WDPCP: variants seen among roughly 807,000 people sequenced by gnomAD.
WDPCP encodes the protein WD repeat containing planar cell polarity effector.
A neutral mutation model predicts 93.1 loss-of-function variants in WDPCP; 71 were observed. That is an observed-to-expected ratio of 0.76 (90% CI 0.63 to 0.93). WDPCP has a LOEUF of 0.93. Ranked by LOEUF, WDPCP falls within the 40% of genes least tolerant of loss-of-function variation. The pLI, the probability that WDPCP is intolerant of heterozygous loss-of-function variation, is 0.00. For missense variants in WDPCP, 844 were observed against 887.4 expected, an observed-to-expected ratio of 0.95 and a Z score of 0.62; for synonymous variants, 315 against 315.0, an observed-to-expected ratio of 1.00 and a Z score of 0.00.
chr2:63,207,447 A>G (rs1411488164), intron 14 of WDPCP, among the ~76,000 whole-genome samples: 1 of 152,168 alleles, frequency 6.6e-6, no homozygotes, highest in African/African-American at 2.4e-5. Context: ...AGCCTGCGGA[A>G]CTATGAGTCA....
At chr2:63,604,643 T>G in intron 3 of WDPCP, 1 of 1,449,046 alleles carries the variant, frequency 6.9e-7, no homozygotes, top group Non-Finnish European at 9.5e-7. Context: ...CAGGTCCCAA[T>G]TGGAAATAAA....
At chr2:63,761,217 G>A (rs1222751416) in intron 2 of WDPCP, among the ~76,000 whole-genome samples, 1 of 152,160 alleles carries the variant, frequency 6.6e-6, no homozygotes, top group Non-Finnish European at 1.5e-5. Flanking sequence ...ATAAAAGGAT[G>A]AATTTGGTTC....
Position 63,663,340 on chromosome 2 carries a change from A to T in WDPCP, n.309-12502T>A, listed in dbSNP as rs74377032. 7.2e-4 allele frequency among the ~76,000 whole-genome samples: 109 copies of T among 152,316 alleles called. 1 individual carries two copies. Among genetic ancestry groups the T allele is most frequent in the African/African-American group, 2.4e-3 (100 of 41,574 alleles). On this transcript the variant is annotated intron_variant and non_coding_transcript_variant, in intron 2 of 4. Coordinates refer to the WDPCP transcript ENST00000467687. ...AACTTCTTCAATATCTCTGGTTCAC[A>T]CTTGAAGCACATACTTGGAACTTTA... is the stretch of plus-strand genomic sequence containing the variant.
chr2:63,215,509 T>C (rs1361471551), intron 14 of WDPCP, among the ~76,000 whole-genome samples: 2 of 152,290 alleles, frequency 1.3e-5, no homozygotes, highest in East Asian at 3.9e-4. Context: ...TAGCCATATG[T>C]AGAAAGCTGA....
At chr2:63,722,408 C>T (rs904267507) in intron 2 of WDPCP, among the ~76,000 whole-genome samples, 3 of 151,216 alleles carry the variant, frequency 2.0e-5, no homozygotes, top group Non-Finnish European at 4.4e-5. Flanking sequence ...AGGAGCACCT[C>T]TGCCCGGCCG....
intron 2 of WDPCP, among the ~76,000 whole-genome samples, chr2:63,726,513 T>C (rs1265201537): frequency 6.6e-6 from 1 of 152,236 alleles, no homozygotes; most frequent in African/African-American, 2.4e-5. Flanking sequence ...TTGCTTAGGA[T>C]TGCCTTTGGC....
chr2:63,416,112 C>T (rs1380440582), intron 9 of WDPCP, among the ~76,000 whole-genome samples: 1 of 151,876 alleles, frequency 6.6e-6, no homozygotes, highest in East Asian at 1.9e-4. Context: ...AAATACAAAA[C>T]ATTATTGCTA....
intron 2 of WDPCP, chr2:63,752,103 A>G (rs1241769928): frequency 3.3e-6 from 2 of 606,446 alleles, no homozygotes; most frequent in Admixed American, 4.4e-5. Context: ...GGGCTTTCCT[A>G]ACTTCACAGG....
rs1034708951 is a variant in WDPCP, at chr2:63,565,681, C to T, written c.75+22516G>A. On this transcript the variant is annotated intron_variant, in intron 1 of 17. Transcript: ENST00000272321. ...GAAATCACCATATATAACCTGGAATCCCACATTAGTTAAGCCTCTATTTTT... is the reference window on the plus strand; with the variant it reads ...GAAATCACCATATATAACCTGGAATTCCACATTAGTTAAGCCTCTATTTTT... Among the ~76,000 whole-genome samples the T allele has an allele frequency of 5.9e-5, 9 of 152,078 alleles. No individual in the cohort carries two copies. In the East Asian group the frequency reaches 1.7e-3, roughly 29 times the overall value.
intron 2 of WDPCP, among the ~76,000 whole-genome samples, chr2:63,708,569 G>T (rs112345461): frequency 0.017 from 2,547 of 152,260 alleles, 22 homozygotes; most frequent in African/African-American, 0.018. Context: ...CACCCCTTGC[G>T]CTTCCCGGGT....
chr2:63,815,268 A>C (rs1394010762), intron 1 of WDPCP, among the ~76,000 whole-genome samples: 1 of 152,222 alleles, frequency 6.6e-6, no homozygotes, highest in Non-Finnish European at 1.5e-5. Context: ...AGTTCCTAGA[A>C]TTTTGAACAA....
At chr2:63,772,195 C>G (rs1053829029) in intron 2 of WDPCP, among the ~76,000 whole-genome samples, 1 of 151,922 alleles carries the variant, frequency 6.6e-6, no homozygotes, top group African/African-American at 2.4e-5. Context: ...TCTGAAGCAT[C>G]TGCCTTTTTG....
chr2:63,700,119 A>C (rs1156954923), intron 2 of WDPCP, among the ~76,000 whole-genome samples: 1 of 151,718 alleles, frequency 6.6e-6, no homozygotes, highest in East Asian at 1.9e-4. Flanking sequence ...AACCTCATAC[A>C]AAAAATGCAA....
At chr2:63,131,125 A>T (rs6728488) in intron 17 of WDPCP, among the ~76,000 whole-genome samples, 41,552 of 151,950 alleles carry the variant, frequency 0.27, 6,657 homozygotes, top group East Asian at 0.52. Flanking sequence ...TAGAGTTTTT[A>T]AAAAAATCCA....
intron 1 of WDPCP, among the ~76,000 whole-genome samples, chr2:63,554,881 A>G (rs1275037089): frequency 6.6e-6 from 1 of 152,064 alleles, no homozygotes; most frequent in Non-Finnish European, 1.5e-5. Flanking sequence ...TGGGAGCTAC[A>G]TGGGGGAAAG....
intron 1 of WDPCP, among the ~76,000 whole-genome samples, chr2:63,824,785 A>G (rs1671087932): frequency 1.3e-5 from 2 of 152,070 alleles, no homozygotes; most frequent in South Asian, 4.1e-4. Flanking sequence ...AGGTTTTTGT[A>G]CAATATAAAT....
In WDPCP at chr2:63,483,618, G is replaced by A. The variant is rs138920334; in HGVS notation, c.384+986C>T. Reference sequence around the variant, plus strand: ...TGTTTATAATTGCTACAAATTTGACGTTGTAGCTTTATGAATAGAACCATG... The same window carrying A: ...TGTTTATAATTGCTACAAATTTGACATTGTAGCTTTATGAATAGAACCATG... On this transcript the variant is annotated intron_variant, in intron 6 of 17. Coordinates refer to ENST00000272321, the MANE Select transcript of WDPCP (RefSeq NM_015910.7). Among the ~76,000 whole-genome samples, 122 of 151,896 alleles carry A rather than the reference G, an allele frequency of 8.0e-4. 1 individual carries two copies. Among genetic ancestry groups the A allele is most frequent in the African/African-American group, 2.7e-3 (113 of 41,486 alleles).
At chr2:63,536,484 G>A (rs977805271) in intron 1 of WDPCP, among the ~76,000 whole-genome samples, 1 of 152,086 alleles carries the variant, frequency 6.6e-6, no homozygotes, top group African/African-American at 2.4e-5. Context: ...TGATAGACTG[G>A]ATCAAGAAAA....
At chr2:63,494,109 A>G (rs1433822775) in intron 1 of WDPCP, among the ~76,000 whole-genome samples, 1 of 152,162 alleles carries the variant, frequency 6.6e-6, no homozygotes, top group East Asian at 1.9e-4. Flanking sequence ...TGCATGTTGA[A>G]CTAATGAGAT....
Sources: allele counts gnomAD v4.1 joint callset (sites outside exome capture counted in the v4.1 genomes callset), GRCh38; gene constraint gnomAD v4.1.1; transcripts MANE v1.5; gene names NCBI Gene and HGNC (gene_info 2026-07-23, HGNC 2026-07-21).